KIF3C: variants seen among roughly 807,000 people sequenced by gnomAD.
KIF3C encodes kinesin family member 3C.
KIF3C carries 12 observed loss-of-function variants against 67.7 expected under a neutral mutation model. The ratio of observed to expected loss-of-function variants is 0.18; its 90% CI spans 0.11 to 0.29. KIF3C has a LOEUF of 0.29. Ranked by LOEUF, KIF3C falls within the 10% of genes least tolerant of loss-of-function variation. KIF3C has a pLI of 1.00. For synonymous variants in KIF3C, 393 were observed against 426.2 expected (o/e 0.92, Z 0.96); for missense variants, 789 against 1,059.6 (o/e 0.74, Z 3.55).
chr2:25,939,511 T>C (rs1663232099), intron 5 of KIF3C, among the ~76,000 whole-genome samples: 2 of 152,312 alleles, frequency 1.3e-5, no homozygotes. Flanking sequence ...TCACACTGTC[T>C]TCAATTCTCA....
At chr2:25,947,167 A>G (rs1166036288) in intron 5 of KIF3C, among the ~76,000 whole-genome samples, 1 of 152,134 alleles carries the variant, frequency 6.6e-6, no homozygotes, top group Non-Finnish European at 1.5e-5. Context: ...TCCTTTAATA[A>G]AGAGCACAAA....
intron 4 of KIF3C, among the ~76,000 whole-genome samples, chr2:25,953,858 G>A (rs1417695021): frequency 6.6e-6 from 1 of 150,496 alleles, no homozygotes; most frequent in East Asian, 1.9e-4. Flanking sequence ...AGTAGAGATG[G>A]GGTTTCACCA....
At position 25,955,486 on chromosome 2, in the gene KIF3C, G is replaced by A; in HGVS notation, c.1770+55C>T. On this transcript the variant is annotated intron_variant, in intron 3 of 7. Coordinates refer to ENST00000264712, the MANE Select transcript of KIF3C (RefSeq NM_002254.8). This position sits in a 1 kb window ranked among gnomAD's most constrained non-coding sequence, Gnocchi z 5.0. ...AGTCCCTGAAGCACACATCCCTTGGGCAGAGACTGCTGGGCCTCCAGCACA... is the reference window on the plus strand; with the variant it reads ...AGTCCCTGAAGCACACATCCCTTGGACAGAGACTGCTGGGCCTCCAGCACA... 6.2e-7 allele frequency: 1 copy of A among 1,600,996 alleles called. No individual in the cohort carries two copies.
chr2:25,975,118 T>A (rs533019015), intron 1 of KIF3C, among the ~76,000 whole-genome samples: 1 of 152,224 alleles, frequency 6.6e-6, no homozygotes, highest in South Asian at 2.1e-4. Flanking sequence ...CACTGGACTC[T>A]GTCACCTCAA....
rs541958489 is a variant in KIF3C, at chr2:25,929,744, T to C, written c.2115+211A>G. Among the ~76,000 whole-genome samples the C allele has an allele frequency of 6.6e-5, 10 of 152,100 alleles. No individual in the cohort carries two copies. The East Asian group carries it at 1.7e-3, about 27-fold the overall frequency. On this transcript the variant is annotated intron_variant, in intron 6 of 7. Transcript: ENST00000264712. ...AATTCTCCTGCCTCAGCCTCCCAAG[T>C]AGCTGGGACTATAGGCACCCATCAC... is the stretch of plus-strand genomic sequence containing the variant.
rs1663853673 is a variant in KIF3C at position 25,958,085 on chromosome 2, C to T, written c.1546-1641G>A. Among the ~76,000 whole-genome samples the T allele has an allele frequency of 6.6e-6, 1 of 152,126 alleles. No individual in the cohort carries two copies. Among genetic ancestry groups the T allele is most frequent in the Non-Finnish European group, 1.5e-5 (1 of 67,966 alleles). On this transcript the variant is annotated intron_variant, in intron 1 of 7. Transcript: ENST00000264712. This position sits in a 1 kb window ranked among gnomAD's most constrained non-coding sequence, Gnocchi z 4.5. ...CCTCATCCCTGCCCTGCCTCTCATC[C>T]GTTGCATCTGGCCAGTGAGTCAAGG...
chr2:25,937,454 G>GGATGCCGGGAGGC lies in KIF3C; in HGVS notation c.2007-7404_2007-7392dup, dbSNP rs573633824. 3.1e-3 allele frequency among the ~76,000 whole-genome samples: 466 copies of GGATGCCGGGAGGC among 152,336 alleles called. 3 individuals are homozygous for GGATGCCGGGAGGC. The highest frequency in any genetic ancestry group is 0.011 in the African/African-American group (438 of 41,578). On this transcript the variant is annotated intron_variant, in intron 5 of 7. Transcript: ENST00000264712. ...AGCTGGGTCTGCAGCTGAGCTTACAGGATGCCGGGAGGCGTGCCCGTGAGG... is the reference window on the plus strand; with the variant it reads ...AGCTGGGTCTGCAGCTGAGCTTACAGGATGCCGGGAGGCGATGCCGGGAGGCGTGCCCGTGAGG...
At chr2:25,930,801 T>C (rs1016911804) in intron 5 of KIF3C, among the ~76,000 whole-genome samples, 3 of 152,012 alleles carry the variant, frequency 2.0e-5, no homozygotes, top group African/African-American at 4.8e-5. Flanking sequence ...AACCTCCCGA[T>C]GTACTGGAAT....
chr2:25,971,340 T>C (rs1328699900), intron 1 of KIF3C, among the ~76,000 whole-genome samples: 1 of 149,212 alleles, frequency 6.7e-6, no homozygotes, highest in Admixed American at 6.7e-5. Context: ...CTCAGGAGGC[T>C]GAGGCAGGGG....
At chr2:25,943,838 A>G (rs1663357354) in intron 5 of KIF3C, among the ~76,000 whole-genome samples, 1 of 151,934 alleles carries the variant, frequency 6.6e-6, no homozygotes, top group African/African-American at 2.4e-5. Flanking sequence ...GCACTTTAGC[A>G]TGGGCAACAA....
chr2:25,969,771 A>G (rs1664233280), intron 1 of KIF3C, among the ~76,000 whole-genome samples: 1 of 150,950 alleles, frequency 6.6e-6, no homozygotes, highest in Non-Finnish European at 1.5e-5. Flanking sequence ...CAGGCAAGAG[A>G]GTGGCGTGAT....
intron 5 of KIF3C, among the ~76,000 whole-genome samples, chr2:25,939,594 T>C (rs1352278630): frequency 2.0e-5 from 3 of 152,200 alleles, no homozygotes; most frequent in Non-Finnish European, 4.4e-5. Flanking sequence ...TTTGCCTCTG[T>C]GACAAAACCA....
In KIF3C at chr2:25,981,165, C is replaced by G; in HGVS notation, c.753G>C (p.Glu251Asp). Residue 251 changes from glutamate (E) to aspartate (D), a missense_variant, in exon 1 of 8, where the codon GAG becomes GAC. Transcript: ENST00000264712. The surrounding 1 kb of genome is among the most constrained non-coding windows in gnomAD (Gnocchi z 8.2). Reference protein sequence around the residue: ...KLNLVDLAGSERQNKAGPNTA... With the variant: ...KLNLVDLAGSDRQNKAGPNTA... The stretch of plus-strand genomic sequence containing the variant: ...TGTTGGGGCCTGCCTTGTTCTGCCT[C>G]TCGCTGCCAGCCAGGTCCACGAGGT... 1 of 1,614,144 alleles carries G rather than the reference C, an allele frequency of 6.2e-7. No individual in the cohort carries two copies. Among genetic ancestry groups the G allele is most frequent in the South Asian group, 1.1e-5 (1 of 91,080 alleles).
At chr2:25,942,120 T>G (rs1177244831) in intron 5 of KIF3C, among the ~76,000 whole-genome samples, 1 of 151,900 alleles carries the variant, frequency 6.6e-6, no homozygotes, top group Non-Finnish European at 1.5e-5. Context: ...GACTTTGGGA[T>G]GCCGAGACAG....
At chr2:25,962,205 T>C (rs1212438923) in intron 1 of KIF3C, among the ~76,000 whole-genome samples, 1 of 152,188 alleles carries the variant, frequency 6.6e-6, no homozygotes, top group African/African-American at 2.4e-5. Context: ...CTGGAGGAAA[T>C]ACCAGTCTAT....
At chr2:25,963,981 A>ATC (rs1225905654) in intron 1 of KIF3C, among the ~76,000 whole-genome samples, 1 of 152,118 alleles carries the variant, frequency 6.6e-6, no homozygotes, top group East Asian at 1.9e-4. Flanking sequence ...GTGAGCCACC[A>ATC]TCCCTGGCTC....
At chr2:25,934,767 A>G (rs901925277) in intron 5 of KIF3C, among the ~76,000 whole-genome samples, 1 of 152,008 alleles carries the variant, frequency 6.6e-6, no homozygotes, top group African/African-American at 2.4e-5. Context: ...TATTTAAACA[A>G]TGAACAAACA....
intron 1 of KIF3C, among the ~76,000 whole-genome samples, chr2:25,963,864 T>C (rs1228037620): frequency 6.6e-6 from 1 of 152,026 alleles, no homozygotes; most frequent in East Asian, 1.9e-4. Context: ...GGCTAATTTT[T>C]GTATTTTTAG....
chr2:25,957,809 G>A (rs1360093056), intron 1 of KIF3C, among the ~76,000 whole-genome samples: 4 of 152,204 alleles, frequency 2.6e-5, no homozygotes, highest in Admixed American at 6.5e-5. Context: ...AGAGAGGCAC[G>A]AGCTTCATTC....
Sources: gnomAD v4.1 joint callset for allele counts (sites outside exome capture counted in the v4.1 genomes callset) on GRCh38, gnomAD v4.1.1 for gene constraint, Gnocchi (gnomAD v3.1) non-coding constraint, MANE v1.5 for transcripts, NCBI Gene and HGNC (gene_info 2026-07-23, HGNC 2026-07-21) for gene names.